DLGAP1: variants seen among roughly 807,000 people sequenced by gnomAD.
The protein encoded by DLGAP1 is DLG associated protein 1, also known as disks large-associated protein 1.
DLGAP1 carries 11 observed loss-of-function variants against 90.8 expected under a neutral mutation model. The ratio of observed to expected loss-of-function variants is 0.12; its 90% CI spans 0.08 to 0.20. The LOEUF (loss-of-function observed/expected upper bound fraction) is 0.20. DLGAP1 is among the 10% of genes least tolerant of loss of function. The probability of loss-of-function intolerance (pLI) is 1.00; values close to 1 mark genes in which losing one functional copy is unlikely to be tolerated. For missense variants in DLGAP1, 1,050 were observed against 1,333.8 expected, an observed-to-expected ratio of 0.79 and a Z score of 3.31; for synonymous variants, 558 against 540.7, an observed-to-expected ratio of 1.03 and a Z score of -0.44.
At chr18:4,151,929 A>C (rs1425614834) in intron 1 of DLGAP1, among the ~76,000 whole-genome samples, 1 of 152,212 alleles carries the variant, frequency 6.6e-6, no homozygotes, top group East Asian at 1.9e-4. Flanking sequence ...ATACCTATGT[A>C]ACAAACCTGC....
chr18:4,433,220 C>T (rs2083328588), intron 1 of DLGAP1, among the ~76,000 whole-genome samples: 1 of 152,184 alleles, frequency 6.6e-6, no homozygotes, highest in South Asian at 2.1e-4. Context: ...ATAACTGGGG[C>T]TAAGTCATTT....
intron 2 of DLGAP1, among the ~76,000 whole-genome samples, chr18:4,072,014 A>G (rs1248643757): frequency 6.6e-6 from 1 of 152,184 alleles, no homozygotes; most frequent in East Asian, 1.9e-4. Context: ...GTGTGTCTAA[A>G]TTTTAATTAT....
chr18:3,803,271 C>T (rs151104951), intron 5 of DLGAP1, among the ~76,000 whole-genome samples: 13 of 152,244 alleles, frequency 8.5e-5, no homozygotes, highest in Admixed American at 1.3e-4. Context: ...CAGCTAGCTT[C>T]GTCTCCAGCT....
intron 4 of DLGAP1, among the ~76,000 whole-genome samples, chr18:3,836,778 C>T (rs1286368106): frequency 1.3e-5 from 2 of 152,224 alleles, no homozygotes; most frequent in Non-Finnish European, 2.9e-5. Context: ...CTACCGGATG[C>T]GTTGTTTTAT....
At chr18:4,260,920 A>T (rs2078990117) in intron 1 of DLGAP1, among the ~76,000 whole-genome samples, 1 of 152,224 alleles carries the variant, frequency 6.6e-6, no homozygotes, top group Admixed American at 6.5e-5. Context: ...CTCACAAAAC[A>T]TCTAGCATTT....
chr18:4,406,964 A>G (rs756329183), intron 1 of DLGAP1, among the ~76,000 whole-genome samples: 1 of 152,202 alleles, frequency 6.6e-6, no homozygotes, highest in Non-Finnish European at 1.5e-5. Flanking sequence ...TTCTCACTCA[A>G]AAGAAGTTGA....
At chr18:3,629,496 C>T (rs2058439375) in intron 7 of DLGAP1, among the ~76,000 whole-genome samples, 1 of 151,882 alleles carries the variant, frequency 6.6e-6, no homozygotes, top group Admixed American at 6.6e-5. Flanking sequence ...ACGCTGAAAC[C>T]CTGTCTCTAC....
intron 5 of DLGAP1, among the ~76,000 whole-genome samples, chr18:3,752,920 A>G (rs772014887): frequency 7.2e-5 from 11 of 152,144 alleles, no homozygotes; most frequent in Non-Finnish European, 1.3e-4. Flanking sequence ...AAATCTGTCC[A>G]TTCATCAGTT....
intron 2 of DLGAP1, among the ~76,000 whole-genome samples, chr18:4,012,718 CTTT>C (rs553319955): frequency 4.9e-5 from 7 of 141,924 alleles, no homozygotes; most frequent in Admixed American, 7.0e-5. Flanking sequence ...TGCTCCTGTT[CTTT>C]TTTTTTTTTT....
At chr18:4,453,114 G>A (rs34906481) in intron 1 of DLGAP1, among the ~76,000 whole-genome samples, 36,046 of 151,816 alleles carry the variant, frequency 0.24, 4,954 homozygotes, top group East Asian at 0.35. Context: ...TTATATCTGC[G>A]ACTAGGGGTA....
intron 1 of DLGAP1, among the ~76,000 whole-genome samples, chr18:4,427,048 G>T (rs1434465439): frequency 1.3e-5 from 2 of 152,218 alleles, no homozygotes; most frequent in Non-Finnish European, 2.9e-5. Flanking sequence ...GGAAACTGTA[G>T]TTTGTTTGGT....
chr18:4,036,814 A>G (rs558488271), intron 2 of DLGAP1, among the ~76,000 whole-genome samples: 2 of 152,346 alleles, frequency 1.3e-5, no homozygotes, highest in African/African-American at 4.8e-5. Context: ...AAAAAAAGTC[A>G]GAATAGAATT....
intron 2 of DLGAP1, among the ~76,000 whole-genome samples, chr18:4,078,790 T>C (rs191627804): frequency 1.3e-5 from 2 of 152,282 alleles, no homozygotes; most frequent in South Asian, 2.1e-4. Context: ...GATATATCAA[T>C]GAGTCCATGT....
chr18:3,687,769 A>G (rs1598352946), intron 7 of DLGAP1, among the ~76,000 whole-genome samples: 1 of 152,220 alleles, frequency 6.6e-6, no homozygotes, highest in Non-Finnish European at 1.5e-5. Flanking sequence ...CAAATTTTAT[A>G]CCAGGAAGTG....
In DLGAP1 at chr18:3,765,010, G is replaced by T. The variant is rs539813750; in HGVS notation, c.1173-22498C>A. Reference sequence around the variant, plus strand: ...TAGCTGAGTCTGGGCACAGCCTCAAGTTTGTTTGTGTGCATGGCTGTGTTT... The same window carrying T: ...TAGCTGAGTCTGGGCACAGCCTCAATTTTGTTTGTGTGCATGGCTGTGTTT... On this transcript the variant is annotated intron_variant, in intron 5 of 12. Transcript: ENST00000315677. Among the ~76,000 whole-genome samples, 307 of 151,848 alleles carry T rather than the reference G, an allele frequency of 2.0e-3. 2 individuals carry two copies. Among genetic ancestry groups the T allele is most frequent in the African/African-American group, 7.1e-3 (296 of 41,430 alleles).
At chr18:4,077,219 T>C (rs986440108) in intron 2 of DLGAP1, among the ~76,000 whole-genome samples, 1 of 152,200 alleles carries the variant, frequency 6.6e-6, no homozygotes, top group Non-Finnish European at 1.5e-5. Context: ...TACCCAGTGA[T>C]TTTTTTGGTG....
At chr18:4,445,386 C>T (rs1032619203) in intron 1 of DLGAP1, among the ~76,000 whole-genome samples, 4 of 151,284 alleles carry the variant, frequency 2.6e-5, no homozygotes, top group Non-Finnish European at 4.4e-5. Context: ...CATGCTGGTG[C>T]GCTGCACCCA....
intron 5 of DLGAP1, among the ~76,000 whole-genome samples, chr18:3,797,953 T>G (rs535880730): frequency 6.6e-6 from 1 of 152,192 alleles, no homozygotes; most frequent in African/African-American, 2.4e-5. Context: ...TCAAGAGATC[T>G]GATGGTTTTA....
At chr18:4,116,126 T>G (rs559997004) in intron 2 of DLGAP1, among the ~76,000 whole-genome samples, 19 of 152,240 alleles carry the variant, frequency 1.2e-4, no homozygotes, top group Non-Finnish European at 2.4e-4. Flanking sequence ...TTTGCCTTCA[T>G]TTTTCAAAGA....
Sources: gnomAD v4.1 joint callset for allele counts (sites outside exome capture counted in the v4.1 genomes callset) on GRCh38, gnomAD v4.1.1 for gene constraint, MANE v1.5 for transcripts, NCBI Gene and HGNC (gene_info 2026-07-23, HGNC 2026-07-21) for gene names.